POT1: variants seen among roughly 807,000 people sequenced by gnomAD.
POT1 encodes the protein protection of telomeres protein 1.
In POT1, 47 loss-of-function variants were observed where a neutral mutation model predicts 78.5. The observed-to-expected ratio is 0.60, with a 90% CI of 0.47 to 0.76. The LOEUF (loss-of-function observed/expected upper bound fraction) is 0.76, where lower values mean the gene tolerates loss of function less well. POT1 is among the 30% of genes least tolerant of loss of function. The probability of loss-of-function intolerance (pLI) is 0.00; values close to 1 mark genes in which losing one functional copy is unlikely to be tolerated. For missense variants in POT1, 646 were observed against 749.9 expected (o/e 0.86, Z 1.62); for synonymous variants, 259 against 260.7 (o/e 0.99, Z 0.06).
chr7:124,824,552 AT>A (rs1239814751), intron 18 of POT1, among the ~76,000 whole-genome samples: 2 of 152,104 alleles, frequency 1.3e-5, no homozygotes, highest in African/African-American at 4.8e-5. Flanking sequence ...AGATGCAAAG[AT>A]TGACCAGGGA....
intron 6 of POT1, among the ~76,000 whole-genome samples, chr7:124,891,173 T>C (rs1796362316): frequency 6.6e-6 from 1 of 151,792 alleles, no homozygotes; most frequent in South Asian, 2.1e-4. Context: ...TTCTGAAATG[T>C]CTGCTTCATG....
chr7:124,911,631 A>G (rs908218456), intron 3 of POT1, among the ~76,000 whole-genome samples: 1 of 152,202 alleles, frequency 6.6e-6, no homozygotes, highest in Non-Finnish European at 1.5e-5. Flanking sequence ...TTGCAGATGG[A>G]AAACTAACAC....
chr7:124,859,737 A>G (rs892215675), intron 8 of POT1, among the ~76,000 whole-genome samples: 4 of 151,090 alleles, frequency 2.6e-5, no homozygotes, highest in African/African-American at 7.3e-5. Flanking sequence ...AAAAAAAACC[A>G]TAAAACAAAA....
chr7:124,904,833 A>C (rs1411558134), intron 3 of POT1, among the ~76,000 whole-genome samples: 1 of 152,222 alleles, frequency 6.6e-6, no homozygotes, highest in African/African-American at 2.4e-5. Context: ...AAAAATCACA[A>C]GCATTCCTAT....
chr7:124,879,410 A>G (rs1796066348), intron 6 of POT1, among the ~76,000 whole-genome samples: 1 of 152,186 alleles, frequency 6.6e-6, no homozygotes, highest in South Asian at 2.1e-4. Flanking sequence ...AATCATGAAG[A>G]AAATCTGCCT....
chr7:124,886,489 TAGAG>T (rs914740140), intron 6 of POT1, among the ~76,000 whole-genome samples: 3 of 152,256 alleles, frequency 2.0e-5, no homozygotes, highest in East Asian at 3.9e-4. Context: ...CTGAAGTTAC[TAGAG>T]AGAGTTTTAA....
chr7:124,868,798 T>A (rs1795794385), intron 7 of POT1, among the ~76,000 whole-genome samples: 1 of 150,548 alleles, frequency 6.6e-6, no homozygotes, highest in Non-Finnish European at 1.5e-5. Context: ...TCAATAATAA[T>A]TCAATATATA....
intron 3 of POT1, among the ~76,000 whole-genome samples, chr7:124,902,363 G>A (rs1312097743): frequency 6.6e-6 from 1 of 152,094 alleles, no homozygotes; most frequent in East Asian, 1.9e-4. Context: ...GAGAGTTGGG[G>A]CCAATATTCA....
intron 3 of POT1, among the ~76,000 whole-genome samples, chr7:124,908,013 A>G (rs780279620): frequency 6.6e-5 from 10 of 152,184 alleles, no homozygotes; most frequent in Non-Finnish European, 1.3e-4. Flanking sequence ...TTAGTTTGCT[A>G]ATTTTTAACA....
chr7:124,860,032 T>C (rs1175187422), intron 8 of POT1, among the ~76,000 whole-genome samples: 2 of 152,064 alleles, frequency 1.3e-5, no homozygotes, highest in Admixed American at 6.6e-5. Context: ...GGAAAATGAT[T>C]ATACTATTTT....
At chr7:124,844,645 G>C (rs1273041403) in intron 12 of POT1, among the ~76,000 whole-genome samples, 5 of 146,790 alleles carry the variant, frequency 3.4e-5, no homozygotes, top group Non-Finnish European at 7.4e-5. Flanking sequence ...TGAGGCAGGA[G>C]AATGGCGTGA....
rs1794553875 is a variant in POT1, at chr7:124,823,454, T to G, written c.*508A>C. ...TAAGTTAACATCTCATTCAATTAGT[T>G]GTAAGTTGTAATAGCGGCATATTTT... is the stretch of plus-strand genomic sequence containing the variant. On this transcript the variant is annotated 3_prime_UTR_variant, in exon 19 of 19. Transcript: ENST00000357628. The G allele has an allele frequency of 6.6e-6, 1 of 152,082 alleles. No individual in the cohort carries two copies. The highest frequency in any genetic ancestry group is 1.5e-5 in the Non-Finnish European group (1 of 67,944). 9.4% of individuals were successfully genotyped at this position (152,082 alleles called of 1,614,324 possible).
chr7:124,839,483 T>G (rs1275264271), intron 14 of POT1, among the ~76,000 whole-genome samples: 2 of 152,318 alleles, frequency 1.3e-5, no homozygotes, highest in East Asian at 3.9e-4. Context: ...GACTTTGTAT[T>G]TATATCGTTT....
Position 124,859,088 on chromosome 7 carries a change from A to G in POT1, c.571T>C (p.Phe191Leu). The G allele has an allele frequency of 6.2e-7, 1 of 1,603,606 alleles. No individual in the cohort carries two copies. Among genetic ancestry groups the G allele is most frequent in the East Asian group, 2.2e-5 (1 of 44,600 alleles). Reference protein sequence around the residue: ...LKVWDGTRTPFPSWRVLIQDL... With the variant: ...LKVWDGTRTPLPSWRVLIQDL... ...TGTATTAAGACTCTCCAAGATGGAA[A>G]TGGTGTCCTGGTGCCATCCCATACC... Residue 191 changes from phenylalanine (F) to leucine (L), a missense_variant, in exon 9 of 19, where the codon TTT (phenylalanine) becomes CTT (leucine). Physicochemically the swap from Phe to Leu is conservative, Grantham distance 22. Around this residue, in one of 2 missense-constraint regions of POT1, gnomAD observed 252 missense variants for 341.4 expected, o/e 0.74. Transcript: ENST00000357628.
intron 8 of POT1, among the ~76,000 whole-genome samples, chr7:124,860,054 G>A (rs1298305836): frequency 6.6e-6 from 1 of 151,728 alleles, no homozygotes; most frequent in African/African-American, 2.4e-5. Flanking sequence ...TATGTAACCA[G>A]ACATTATATC....
intron 16 of POT1, 88 bp from the exon 17 acceptor site, chr7:124,827,393 C>T (rs918664415): frequency 1.6e-6 from 1 of 614,792 alleles, no homozygotes; most frequent in East Asian, 3.4e-5. Context: ...ATAGTATAGA[C>T]CTGTAAATTT....
chr7:124,913,129 C>G (rs921115982), intron 3 of POT1, among the ~76,000 whole-genome samples: 1 of 152,056 alleles, frequency 6.6e-6, no homozygotes, highest in Non-Finnish European at 1.5e-5. Context: ...ATGAGAACAG[C>G]CAAGGAAAGA....
intron 2 of POT1, among the ~76,000 whole-genome samples, chr7:124,915,881 G>C (rs145801605): frequency 1.8e-4 from 27 of 152,186 alleles, no homozygotes; most frequent in African/African-American, 5.5e-4. Context: ...AATCCTATTA[G>C]TTAAGTACTA....
intron 15 of POT1, among the ~76,000 whole-genome samples, chr7:124,832,846 C>G (rs1386394010): frequency 6.6e-6 from 1 of 150,666 alleles, no homozygotes; most frequent in Non-Finnish European, 1.5e-5. Flanking sequence ...AAATGGGGTC[C>G]TTAAGGTAAT....
Sources: gnomAD v4.1 joint callset for allele counts (sites outside exome capture counted in the v4.1 genomes callset) on GRCh38, gnomAD v4.1.1 for gene constraint, gnomAD v4.1.1 regional missense constraint, MANE v1.5 for transcripts, NCBI Gene and HGNC (gene_info 2026-07-23, HGNC 2026-07-21) for gene names.